MSANTD2: variants seen among roughly 807,000 people sequenced by gnomAD.
The protein encoded by MSANTD2 is Myb/SANT DNA binding domain containing 2.
In MSANTD2, 19 loss-of-function variants were observed where a neutral mutation model predicts 52.6. The observed-to-expected ratio is 0.36, with a 90% confidence interval of 0.25 to 0.53. MSANTD2 has a LOEUF of 0.53. Ranked by LOEUF, MSANTD2 falls within the 20% of genes least tolerant of loss-of-function variation. The pLI is 0.91. For missense variants in MSANTD2, 558 were observed against 716.3 expected (o/e 0.78, Z 2.52); for synonymous variants, 291 against 289.7 (o/e 1.00, Z -0.04).
chr11:124,777,007 C>T (rs951926757), intron 1 of MSANTD2, among the ~76,000 whole-genome samples: 1 of 152,212 alleles, frequency 6.6e-6, no homozygotes, highest in Non-Finnish European at 1.5e-5. Flanking sequence ...GCAAACCTTC[C>T]AATGGAAGGA....
Position 124,779,853 on chromosome 11 carries a change from G to A in MSANTD2, c.511-4879C>T, listed in dbSNP as rs1224385912. 6.6e-6 allele frequency among the ~76,000 whole-genome samples: 1 copy of A among 152,152 alleles called. No homozygotes were observed. Among genetic ancestry groups the A allele is most frequent in the Non-Finnish European group, 1.5e-5 (1 of 68,016 alleles). On this transcript the variant is annotated intron_variant, in intron 1 of 3. Coordinates refer to ENST00000374979, the MANE Select transcript of MSANTD2 (RefSeq NM_001308027.2). This position sits in a 1 kb window ranked among gnomAD's most constrained non-coding sequence, Gnocchi z 4.6. ...CAAGGCCTTAAAAATCACATATTGT[G>A]CTCCACGAGAGATGAAGAAATTACA...
Position 124,800,394 on chromosome 11 carries a change from G to A in MSANTD2, c.-14C>T, listed in dbSNP as rs946053698. On this transcript the variant is annotated 5_prime_UTR_variant, in exon 1 of 4. Coordinates refer to ENST00000374979, the MANE Select transcript of MSANTD2 (RefSeq NM_001308027.2). This position sits in a 1 kb window ranked among gnomAD's most constrained non-coding sequence, Gnocchi z 4.3. ...GGGCGCAGCCATCTTCCAAGCGGCC[G>A]CCGCTGCACCGCCCGGAAGTGACGC... 6.8e-7 allele frequency: 1 copy of A among 1,480,778 alleles called. No individual in the cohort carries two copies. Among genetic ancestry groups the A allele is most frequent in the Non-Finnish European group, 9.0e-7 (1 of 1,112,622 alleles). The allele number at this position is 1,480,778 out of a possible 1,614,324, so 91.7% of individuals were successfully genotyped here.
intron 1 of MSANTD2, among the ~76,000 whole-genome samples, chr11:124,798,658 C>G (rs1340989467): frequency 6.6e-6 from 1 of 152,180 alleles, no homozygotes; most frequent in East Asian, 1.9e-4. Flanking sequence ...CTACTGGAGC[C>G]AAGACCTGGA....
At chr11:124,796,770 C>T (rs1166350435) in intron 1 of MSANTD2, among the ~76,000 whole-genome samples, 2 of 152,282 alleles carry the variant, frequency 1.3e-5, no homozygotes. Context: ...TACTACTTTG[C>T]TTCTATTTTG....
chr11:124,792,426 G>T (rs1309618386), intron 1 of MSANTD2: 1 of 152,182 alleles, frequency 6.6e-6, no homozygotes, highest in Admixed American at 6.5e-5. Flanking sequence ...ACACTGTTTG[G>T]ATGCTTCCAG....
rs1320350959 is a variant in MSANTD2, at chr11:124,772,997, G to A, written c.824C>T (p.Ala275Val). The change falls in exon 3 of 4, where the codon GCA becomes GTA. Residue 275 changes from alanine (A) to valine (V), a missense_variant. Physicochemically the swap from Ala to Val is moderately conservative, Grantham distance 64 (BLOSUM62 0). Coordinates refer to ENST00000374979, the MANE Select transcript of MSANTD2 (RefSeq NM_001308027.2). ...GAAAGGTGAAGCATCTACTTACTGT[G>A]CTTCTTCAGAAGACTCTTGTTTTAT... ...LKIKQESSEEAQKRDIMQNIV... is the reference protein window; with the variant it reads ...LKIKQESSEEVQKRDIMQNIV... The A allele has an allele frequency of 3.8e-6, 6 of 1,578,840 alleles. No homozygotes were observed. Among genetic ancestry groups the A allele is most frequent in the Non-Finnish European group, 5.2e-6 (6 of 1,148,516 alleles).
intron 1 of MSANTD2, chr11:124,790,499 G>A (rs951489982): frequency 2.0e-5 from 3 of 152,196 alleles, no homozygotes; most frequent in Admixed American, 6.5e-5. Context: ...CAGATTCTTC[G>A]AAACAGGTCC....
chr11:124,799,437 T>G (rs1021687841), intron 1 of MSANTD2, among the ~76,000 whole-genome samples: 2 of 152,178 alleles, frequency 1.3e-5, no homozygotes, highest in Non-Finnish European at 2.9e-5. Flanking sequence ...ATTCCTAAAC[T>G]AGGGGCTCAA....
chr11:124,769,150 G>T (rs1259486754), intron 3 of MSANTD2, among the ~76,000 whole-genome samples: 1 of 152,194 alleles, frequency 6.6e-6, no homozygotes, highest in South Asian at 2.1e-4. Context: ...TTCCTGCTAC[G>T]TTCTCATACC....
chr11:124,774,603 C>T lies in MSANTD2; in HGVS notation c.766+116G>A. The T allele has an allele frequency of 9.4e-7, 1 of 1,064,774 alleles. No individual in the cohort carries two copies. Among genetic ancestry groups the T allele is most frequent in the Non-Finnish European group, 1.4e-6 (1 of 729,106 alleles). 66.0% of individuals were successfully genotyped at this position (1,064,774 alleles called of 1,614,324 possible). A position where few individuals can be genotyped will look rare whatever the true frequency, so the allele number is the denominator to read the frequency against. On this transcript the variant is annotated intron_variant, in intron 2 of 3. Coordinates refer to ENST00000374979, the MANE Select transcript of MSANTD2 (RefSeq NM_001308027.2). This position sits in a 1 kb window ranked among gnomAD's most constrained non-coding sequence, Gnocchi z 5.1. Reference sequence around the variant, plus strand: ...GCAGAGATGCCCTTTATGCCTTATGCTGACCACTATAGGGAACAGTACCAA... The same window carrying T: ...GCAGAGATGCCCTTTATGCCTTATGTTGACCACTATAGGGAACAGTACCAA...
At position 124,770,780 on chromosome 11, in the gene MSANTD2, G is replaced by GTTT. The variant is rs1054956993; in HGVS notation, c.827+2211_827+2213dup. 1.5e-3 allele frequency among the ~76,000 whole-genome samples: 196 copies of GTTT among 132,180 alleles called. 2 individuals are homozygous for GTTT. The highest frequency in any genetic ancestry group is 4.9e-3 in the African/African-American group (178 of 36,636). The allele number at this position is 132,180 out of a possible 152,430, so 86.7% of individuals were successfully genotyped here. On this transcript the variant is annotated intron_variant, in intron 3 of 3. Transcript: ENST00000374979. ...GCCACCACGCCCAGCTAATTTTTTG[G>GTTT]TTTTTTTTTTTTTTTTTGAGACAGA...
intron 1 of MSANTD2, among the ~76,000 whole-genome samples, chr11:124,795,106 T>C (rs1226520166): frequency 1.3e-5 from 2 of 152,192 alleles, no homozygotes; most frequent in Non-Finnish European, 2.9e-5. Flanking sequence ...CTCCAACTCC[T>C]GAGCTCACGT....
At position 124,786,001 on chromosome 11, in the gene MSANTD2, C is replaced by T. The variant is rs549358993; in HGVS notation, c.511-11027G>A. Among the ~76,000 whole-genome samples the T allele has an allele frequency of 1.1e-4, 17 of 151,522 alleles. 1 individual carries two copies. Among genetic ancestry groups the T allele is most frequent in the African/African-American group, 4.1e-4 (17 of 41,360 alleles). On this transcript the variant is annotated intron_variant, in intron 1 of 3. Transcript: ENST00000374979. ...GCAAGTCACTGTATTTACTTTTTTGCTACCATTGCCAGGAAGCTCATAGCT... is the reference window on the plus strand; with the variant it reads ...GCAAGTCACTGTATTTACTTTTTTGTTACCATTGCCAGGAAGCTCATAGCT...
At chr11:124,795,731 C>G (rs1945472423) in intron 1 of MSANTD2, among the ~76,000 whole-genome samples, 1 of 152,002 alleles carries the variant, frequency 6.6e-6, no homozygotes, top group African/African-American at 2.4e-5. Context: ...CATCCTAACA[C>G]CTAGCAGACA....
In MSANTD2 at chr11:124,800,115, C is replaced by T; in HGVS notation, c.266G>A (p.Gly89Asp). 1 of 1,482,630 alleles carries T rather than the reference C, an allele frequency of 6.7e-7. No homozygotes were observed. 91.8% of individuals were successfully genotyped at this position (1,482,630 alleles called of 1,614,324 possible). A position where few individuals can be genotyped will look rare whatever the true frequency, so the allele number is the denominator to read the frequency against. ...SVSFSPGGGG[G>D]GAAAAAAAAC... ...GGCGGCGGCGGCTGCCGCAGCCCCG[C>T]CACCGCCGCCACCAGGGGAGAAGGA... Residue 89 changes from glycine to aspartate, a missense_variant, in exon 1 of 4, where the codon GGC (glycine) becomes GAC (aspartate). Gly to Asp is a moderately conservative substitution (Grantham distance 94). This residue lies in a region of MSANTD2 where 150 missense variants were observed against 142.7 expected (regional missense o/e 1.05). Transcript: ENST00000374979. This position sits in a 1 kb window ranked among gnomAD's most constrained non-coding sequence, Gnocchi z 4.3.
chr11:124,797,522 T>TA (rs199620696), intron 1 of MSANTD2, among the ~76,000 whole-genome samples: 1,767 of 151,376 alleles, frequency 0.012, 36 homozygotes, highest in African/African-American at 0.04. Flanking sequence ...TAAAACAAAT[T>TA]AAAAAAAATG....
At chr11:124,791,296 C>A in intron 1 of MSANTD2, 1 of 1,446,600 alleles carries the variant, frequency 6.9e-7, no homozygotes, top group South Asian at 1.1e-5. Flanking sequence ...CTAGAACTGT[C>A]CCTGTGGCTG....
chr11:124,794,851 C>T (rs1399707534), intron 1 of MSANTD2, among the ~76,000 whole-genome samples: 1 of 152,030 alleles, frequency 6.6e-6, no homozygotes. Context: ...ATTTTGTTCT[C>T]TGGGCAGAAG....
At position 124,800,251 on chromosome 11, in the gene MSANTD2, G is replaced by A. The variant is rs552519503; in HGVS notation, c.130C>T (p.Pro44Ser). Reference sequence around the variant, plus strand: ...GGCCCGAGCGGGGAGGCACCCCGAGGCGTGGAAGGGTCGGACAGCGATGGA... The same window carrying A: ...GGCCCGAGCGGGGAGGCACCCCGAGACGTGGAAGGGTCGGACAGCGATGGA... ...GNPSLSDPST[P>S]RGASPLGPGS... is the part of the protein sequence containing the mutation. Residue 44 changes from proline (P) to serine (S), a missense_variant, in exon 1 of 4, where the codon CCT (proline) becomes TCT (serine). Physicochemically the swap from Pro to Ser is moderately conservative, Grantham distance 74 (BLOSUM62 -1). This residue lies in a region of MSANTD2 where 150 missense variants were observed against 142.7 expected (regional missense o/e 1.05). Coordinates refer to ENST00000374979, the MANE Select transcript of MSANTD2 (RefSeq NM_001308027.2). This position sits in a 1 kb window ranked among gnomAD's most constrained non-coding sequence, Gnocchi z 4.3. The A allele has an allele frequency of 8.9e-5, 138 of 1,556,802 alleles. 2 individuals carry two copies. The South Asian group carries it at 1.6e-3, about 18-fold the overall frequency.
Sources: gnomAD v4.1 joint callset for allele counts (sites outside exome capture counted in the v4.1 genomes callset) on GRCh38, gnomAD v4.1.1 for gene constraint, gnomAD v4.1.1 regional missense constraint, Gnocchi (gnomAD v3.1) non-coding constraint, MANE v1.5 for transcripts, NCBI Gene and HGNC (gene_info 2026-07-23, HGNC 2026-07-21) for gene names.